The following COX5A variants were observed in gnomAD, a reference collection of about 807,000 sequenced individuals.
The protein encoded by COX5A is cytochrome c oxidase subunit 5A.
In COX5A, 6 loss-of-function variants were observed where a neutral mutation model predicts 16.1. The observed-to-expected ratio is 0.37, with a 90% CI of 0.20 to 0.73. The LOEUF (loss-of-function observed/expected upper bound fraction) is 0.73, where lower values mean the gene tolerates loss of function less well. Among genes scored for constraint, COX5A ranks in the 30% least tolerant of loss-of-function variants. COX5A has a pLI of 0.50. For synonymous variants in COX5A, 73 were observed against 73.8 expected, an observed-to-expected ratio of 0.99 and a Z score of 0.06; for missense variants, 159 against 194.9, an observed-to-expected ratio of 0.82 and a Z score of 1.10.
At chr15:74,929,017 A>T in intron 2 of COX5A, 99 bp downstream of exon 2, 1 of 860,080 alleles carries the variant, frequency 1.2e-6, no homozygotes, top group Non-Finnish European at 1.9e-6. Flanking sequence ...TAACCAGTTT[A>T]AACAACGCAT....
Position 74,926,964 on chromosome 15 carries a change from A to G in COX5A, c.218-77T>C. On this transcript the variant is annotated intron_variant, in intron 2 of 4. Transcript: ENST00000322347. Reference sequence around the variant, plus strand: ...CTATGAGTTATTTATATTTTTACTGAATCACTGATGTATGATCTTATCTGT... The same window carrying G: ...CTATGAGTTATTTATATTTTTACTGGATCACTGATGTATGATCTTATCTGT... The G allele has an allele frequency of 4.7e-6, 7 of 1,482,656 alleles. No individual in the cohort carries two copies. In the South Asian group the frequency reaches 6.3e-5, roughly 13 times the overall value. 91.8% of individuals were successfully genotyped at this position (1,482,656 alleles called of 1,614,324 possible).
At chr15:74,935,526 A>C (rs2141275095) in intron 1 of COX5A, among the ~76,000 whole-genome samples, 1 of 151,748 alleles carries the variant, frequency 6.6e-6, no homozygotes, top group Non-Finnish European at 1.5e-5. Context: ...GTTGAGTCCC[A>C]GGAGGTCAAG....
In COX5A at chr15:74,929,098, T is replaced by C; in HGVS notation, c.217+18A>G. 1.3e-6 allele frequency: 2 copies of C among 1,522,514 alleles called. No homozygotes were observed. Among genetic ancestry groups the C allele is most frequent in the Non-Finnish European group, 1.8e-6 (2 of 1,097,060 alleles). 94.3% of individuals were successfully genotyped at this position (1,522,514 alleles called of 1,614,324 possible). Reference sequence around the variant, plus strand: ...ATTTACACACCAAAATAGACAAATATGTTTATGTTCCAATTACCTTTACGC... The same window carrying C: ...ATTTACACACCAAAATAGACAAATACGTTTATGTTCCAATTACCTTTACGC... On this transcript the variant is annotated intron_variant, in intron 2 of 4. Transcript: ENST00000322347.
intron 4 of COX5A, among the ~76,000 whole-genome samples, chr15:74,922,735 G>A (rs991255691): frequency 3.4e-5 from 5 of 147,586 alleles, no homozygotes; most frequent in African/African-American, 7.6e-5. Flanking sequence ...ACACAGTCTC[G>A]GCTCACTGCA....
At chr15:74,935,150 C>T (rs1014931550) in intron 1 of COX5A, among the ~76,000 whole-genome samples, 1 of 152,114 alleles carries the variant, frequency 6.6e-6, no homozygotes, top group Non-Finnish European at 1.5e-5. Context: ...GTTACTGAGG[C>T]TGGGTGCAGT....
rs374703877 is a variant in COX5A at position 74,922,311 on chromosome 15, G to A, written c.*9+1337C>T. Among the ~76,000 whole-genome samples the A allele has an allele frequency of 1.8e-4, 27 of 151,748 alleles. No homozygotes were observed. In the East Asian group the frequency reaches 2.7e-3, roughly 15 times the overall value. ...GAGGTACAAGAATCGGCTTGAACCC[G>A]GGAGGCGGAAGTTCAGTGAGCCGAG... On this transcript the variant is annotated intron_variant, in intron 4 of 4. Coordinates refer to ENST00000322347, the MANE Select transcript of COX5A (RefSeq NM_004255.4).
chr15:74,928,995 A>G (rs950107068), intron 2 of COX5A, 121 bp downstream of exon 2: 8 of 725,682 alleles, frequency 1.1e-5, no homozygotes, highest in Non-Finnish European at 1.9e-5. Context: ...CCTAACTGCA[A>G]GTTGCATGAA....
At chr15:74,926,974 G>T in intron 2 of COX5A, 87 bp from the exon 3 acceptor site, 1 of 1,423,916 alleles carries the variant, frequency 7.0e-7, no homozygotes, top group Non-Finnish European at 9.6e-7. Context: ...AATCACTGAT[G>T]TATGATCTTA....
intron 3 of COX5A, among the ~76,000 whole-genome samples, chr15:74,926,367 G>C (rs1309637369): frequency 6.6e-6 from 1 of 151,552 alleles, no homozygotes; most frequent in Non-Finnish European, 1.5e-5. Flanking sequence ...GTAGAGACAG[G>C]GTTTCACCAT....
chr15:74,935,357 A>C (rs1291301194), intron 1 of COX5A, among the ~76,000 whole-genome samples: 1 of 151,970 alleles, frequency 6.6e-6, no homozygotes, highest in Non-Finnish European at 1.5e-5. Flanking sequence ...TTGGCTGGGC[A>C]TGGTGGCTCA....
chr15:74,926,687 C>T (rs1487140072), intron 3 of COX5A, 79 bp downstream of exon 3: 1 of 1,464,450 alleles, frequency 6.8e-7, no homozygotes, highest in African/African-American at 1.4e-5. Context: ...TTAACAAATT[C>T]AAAAATACAG....
chr15:74,933,256 T>C (rs1482747958), intron 1 of COX5A, among the ~76,000 whole-genome samples: 1 of 151,450 alleles, frequency 6.6e-6, no homozygotes, highest in Admixed American at 6.6e-5. Context: ...TCTACTAAAA[T>C]ACAAAAAATT....
chr15:74,922,906 C>T (rs958415930), intron 4 of COX5A, among the ~76,000 whole-genome samples: 5 of 151,930 alleles, frequency 3.3e-5, no homozygotes, highest in South Asian at 2.1e-4. Flanking sequence ...CCACCCGCCT[C>T]GGCCTCCCAA....
intron 4 of COX5A, among the ~76,000 whole-genome samples, chr15:74,921,372 C>T (rs145557327): frequency 0.02 from 2,720 of 138,744 alleles, 89 homozygotes; most frequent in African/African-American, 0.068. Flanking sequence ...CATGCCACTG[C>T]ACTCCAGCCT....
intron 1 of COX5A, among the ~76,000 whole-genome samples, chr15:74,936,786 C>A (rs944408665): frequency 1.3e-5 from 2 of 151,882 alleles, no homozygotes; most frequent in Non-Finnish European, 2.9e-5. Context: ...ACCACCACAC[C>A]CAGCTAAATT....
At chr15:74,928,998 T>G (rs1314983517) in intron 2 of COX5A, 118 bp downstream of exon 2, 5 of 737,366 alleles carry the variant, frequency 6.8e-6, no homozygotes. Context: ...AACTGCAAGT[T>G]GCATGAAGTA....
chr15:74,920,417 G>T lies in COX5A; in HGVS notation c.*35C>A, dbSNP rs887917395. On this transcript the variant is annotated 3_prime_UTR_variant, in exon 5 of 5. Coordinates refer to ENST00000322347, the MANE Select transcript of COX5A (RefSeq NM_004255.4). Reference sequence around the variant, plus strand: ...TAACTGTTCACACTCAAGTAGCAATGTCAATAAATCCTTGGGGAAGCCCAT... The same window carrying T: ...TAACTGTTCACACTCAAGTAGCAATTTCAATAAATCCTTGGGGAAGCCCAT... 2.9e-6 allele frequency: 2 copies of T among 697,098 alleles called. No homozygotes were observed. The highest frequency in any genetic ancestry group is 5.2e-6 in the Non-Finnish European group (2 of 383,272). The allele number at this position is 697,098 out of a possible 1,614,324, so 43.2% of individuals were successfully genotyped here.
chr15:74,937,023 G>A (rs1296482136), intron 1 of COX5A, among the ~76,000 whole-genome samples: 1 of 152,032 alleles, frequency 6.6e-6, no homozygotes, highest in Non-Finnish European at 1.5e-5. Context: ...AGTGATGCAG[G>A]TTCAAAAATA....
At position 74,929,228 on chromosome 15, in the gene COX5A, G is replaced by A; in HGVS notation, c.105C>T (p.Ile35=). The A allele has an allele frequency of 6.2e-7, 1 of 1,600,586 alleles. No homozygotes were observed. The highest frequency in any genetic ancestry group is 8.6e-7 in the Non-Finnish European group (1 of 1,167,890). ...CATGGGAATAGCAGCGAACTGACTG[G>A]ATAGCTATAATGTGAAAGAACCATA... ...SARTPGPAVA[I]QSVRCYSHGS... is the part of the protein sequence containing the mutation. Residue 35 remains isoleucine, a synonymous_variant, in exon 2 of 5, where the codon ATC becomes ATT. Transcript: ENST00000322347.
Sources: allele counts gnomAD v4.1 joint callset (sites outside exome capture counted in the v4.1 genomes callset), GRCh38; gene constraint gnomAD v4.1.1; transcripts MANE v1.5; gene names NCBI Gene and HGNC (gene_info 2026-07-23, HGNC 2026-07-21).